The following ICA1 variants were observed in gnomAD, a reference collection of about 807,000 sequenced individuals.
ICA1 encodes the protein islet cell autoantigen 1.
ICA1 carries 40 observed loss-of-function variants against 71.0 expected under a neutral mutation model. The ratio of observed to expected loss-of-function variants is 0.56; its 90% CI spans 0.44 to 0.73. The LOEUF is 0.73. Among genes scored for constraint, ICA1 ranks in the 30% least tolerant of loss-of-function variants. The probability of loss-of-function intolerance (pLI) is 0.00; values close to 1 mark genes in which losing one functional copy is unlikely to be tolerated. For synonymous variants in ICA1, 207 were observed against 209.5 expected, an observed-to-expected ratio of 0.99 and a Z score of 0.10; for missense variants, 578 against 576.5, an observed-to-expected ratio of 1.00 and a Z score of -0.03.
In ICA1 at chr7:8,218,473, A is replaced by G; in HGVS notation, c.411T>C (p.Phe137=). 1 of 1,614,150 alleles carries G rather than the reference A, an allele frequency of 6.2e-7. No individual in the cohort carries two copies. Among genetic ancestry groups the G allele is most frequent in the Non-Finnish European group, 8.5e-7 (1 of 1,179,992 alleles). Residue 137 remains phenylalanine, a synonymous_variant, in exon 6 of 14, where the codon TTT becomes TTC. Transcript: ENST00000402384. ...GCCGAAAAGTCTCCACTTCTTGGTG[A>G]AATCGACACAAAGGATTTCGTAAGG... is the stretch of plus-strand genomic sequence containing the variant. ...RLALRNPLCR[F]HQEVETFRHR...
intron 1 of ICA1, among the ~76,000 whole-genome samples, chr7:8,243,261 C>A (rs1334121531): frequency 3.3e-5 from 5 of 152,194 alleles, no homozygotes; most frequent in African/African-American, 1.2e-4. Flanking sequence ...GCTGGTTCAA[C>A]ATACACAAAT....
intron 9 of ICA1, among the ~76,000 whole-genome samples, chr7:8,143,097 G>A (rs935978691): frequency 6.6e-6 from 1 of 152,138 alleles, no homozygotes; most frequent in East Asian, 1.9e-4. Context: ...GAATAGAAAC[G>A]AGGCCATCCA....
intron 1 of ICA1, among the ~76,000 whole-genome samples, chr7:8,245,906 G>A (rs1171693788): frequency 6.6e-6 from 1 of 152,014 alleles, no homozygotes; most frequent in Admixed American, 6.5e-5. Context: ...CATTTGCAAG[G>A]GACATATAAC....
At chr7:8,145,657 A>C (rs1203927607) in intron 8 of ICA1, among the ~76,000 whole-genome samples, 5 of 151,108 alleles carry the variant, frequency 3.3e-5, no homozygotes, top group African/African-American at 1.2e-4. Context: ...AAAAGTAAAA[A>C]TTACTCATAA....
rs1790421339 is a variant in ICA1 at position 8,129,055 on chromosome 7, T to C, written c.1061-913A>G. On this transcript the variant is annotated intron_variant, in intron 12 of 13. Transcript: ENST00000402384. Reference sequence around the variant, plus strand: ...TTTAAAGAAGGCAGCCATCCTTACATTACGAACATTGGCAGAATACTGAAT... The same window carrying C: ...TTTAAAGAAGGCAGCCATCCTTACACTACGAACATTGGCAGAATACTGAAT... 3.9e-5 allele frequency among the ~76,000 whole-genome samples: 6 copies of C among 152,328 alleles called. No individual in the cohort carries two copies. The South Asian group carries it at 1.2e-3, about 32-fold the overall frequency.
intron 6 of ICA1, among the ~76,000 whole-genome samples, chr7:8,187,512 C>G (rs1022346682): frequency 6.6e-6 from 1 of 152,216 alleles, no homozygotes; most frequent in Non-Finnish European, 1.5e-5. Context: ...TTACTGTACA[C>G]TACTTTAGAC....
At chr7:8,181,381 G>A (rs1177026779) in intron 6 of ICA1, among the ~76,000 whole-genome samples, 1 of 152,084 alleles carries the variant, frequency 6.6e-6, no homozygotes, top group Non-Finnish European at 1.5e-5. Flanking sequence ...AATTAGTTTA[G>A]CTTTATAATC....
chr7:8,114,389 A>G (rs761410044), intron 13 of ICA1, among the ~76,000 whole-genome samples: 9 of 152,238 alleles, frequency 5.9e-5, no homozygotes, highest in Non-Finnish European at 1.0e-4. Context: ...TATTTCAGAA[A>G]TCAGACTGAA....
Position 8,235,957 on chromosome 7 carries a change from G to A in ICA1, c.-31C>T, listed in dbSNP as rs1801722823. 6.2e-7 allele frequency: 1 copy of A among 1,609,984 alleles called. No homozygotes were observed. Among genetic ancestry groups the A allele is most frequent in the African/African-American group, 1.3e-5 (1 of 74,918 alleles). On this transcript the variant is annotated 5_prime_UTR_variant, in exon 2 of 14. Transcript: ENST00000402384. ...CTTCTTCTTCTATTGTTGATGATTT[G>A]GGGAGAAGGGGCAGGAAAAAAGCAT...
intron 1 of ICA1, among the ~76,000 whole-genome samples, chr7:8,247,036 A>G (rs921049399): frequency 6.6e-6 from 1 of 151,590 alleles, no homozygotes; most frequent in Non-Finnish European, 1.5e-5. Flanking sequence ...GTGAACCACC[A>G]TGCCTGGCCT....
At chr7:8,114,737 G>A (rs936830917) in intron 13 of ICA1, 5 of 152,214 alleles carry the variant, frequency 3.3e-5, no homozygotes, top group African/African-American at 7.2e-5. Context: ...TTTTCCAGAT[G>A]AGGAGAACAT....
Position 8,260,672 on chromosome 7 carries a change from G to A in ICA1, c.-80+1422C>T, listed in dbSNP as rs558688513. Among the ~76,000 whole-genome samples, 114 of 152,254 alleles carry A rather than the reference G, an allele frequency of 7.5e-4. 1 individual carries two copies. The highest frequency in any genetic ancestry group is 2.6e-3 in the African/African-American group (109 of 41,536). On this transcript the variant is annotated intron_variant, in intron 1 of 13. Transcript: ENST00000402384. ...CAAAGAGTGATATTTGAGCTATTCA[G>A]GATTATAAATTGATTTTGTCCCTGT...
At chr7:8,259,636 A>AG (rs1489572069) in intron 1 of ICA1, among the ~76,000 whole-genome samples, 10 of 152,292 alleles carry the variant, frequency 6.6e-5, no homozygotes, top group Middle Eastern at 3.4e-3. Flanking sequence ...GCCCCTAAAA[A>AG]GGTGGATATT....
chr7:8,148,939 C>T (rs1424342966), intron 8 of ICA1, among the ~76,000 whole-genome samples: 2 of 152,170 alleles, frequency 1.3e-5, no homozygotes, highest in African/African-American at 4.8e-5. Flanking sequence ...ACTGCTCTCC[C>T]CGACGTTGGA....
rs903291885 is a variant in ICA1 at position 8,226,326 on chromosome 7, A to G, written c.256+2275T>C. ...CTTCCTAAATTTCCTTTGCACAATG[A>G]GCAGGCTTGCTCTCTAGATATAGAT... On this transcript the variant is annotated intron_variant, in intron 4 of 13. Transcript: ENST00000402384. The surrounding 1 kb of genome is among the most constrained non-coding windows in gnomAD (Gnocchi z 4.4). Among the ~76,000 whole-genome samples the G allele has an allele frequency of 6.6e-6, 1 of 152,242 alleles. No individual in the cohort carries two copies. The highest frequency in any genetic ancestry group is 6.5e-5 in the Admixed American group (1 of 15,280).
At position 8,204,367 on chromosome 7, in the gene ICA1, G is replaced by C. The variant is rs571934662; in HGVS notation, c.579+13938C>G. 3.3e-5 allele frequency among the ~76,000 whole-genome samples: 5 copies of C among 152,342 alleles called. No homozygotes were observed. The South Asian group carries it at 8.3e-4, about 25-fold the overall frequency. Reference sequence around the variant, plus strand: ...TATGGCTATGGGCAAGTCAGTCATGGCTGCCCTGTGGTCTTATCTGTGAAA... The same window carrying C: ...TATGGCTATGGGCAAGTCAGTCATGCCTGCCCTGTGGTCTTATCTGTGAAA... On this transcript the variant is annotated intron_variant, in intron 6 of 13. Coordinates refer to ENST00000402384, the MANE Select transcript of ICA1 (RefSeq NM_001136020.3).
chr7:8,248,368 C>T (rs1268065139), intron 1 of ICA1, among the ~76,000 whole-genome samples: 1 of 152,108 alleles, frequency 6.6e-6, no homozygotes, highest in African/African-American at 2.4e-5. Context: ...TAAAAATTGT[C>T]ATTACCTTAG....
intron 13 of ICA1, among the ~76,000 whole-genome samples, chr7:8,120,599 G>C (rs1232455531): frequency 1.3e-5 from 2 of 152,206 alleles, no homozygotes; most frequent in Non-Finnish European, 2.9e-5. Context: ...TCTCAGAGTA[G>C]TTCTGTCAGG....
At chr7:8,209,294 C>G (rs1361324140) in intron 6 of ICA1, among the ~76,000 whole-genome samples, 1 of 152,016 alleles carries the variant, frequency 6.6e-6, no homozygotes, top group Non-Finnish European at 1.5e-5. Context: ...TGTTTGAAGC[C>G]AACATATTAG....
Sources: allele counts gnomAD v4.1 joint callset (sites outside exome capture counted in the v4.1 genomes callset), GRCh38; gene constraint gnomAD v4.1.1; non-coding constraint Gnocchi (gnomAD v3.1); transcripts MANE v1.5; gene names NCBI Gene and HGNC (gene_info 2026-07-23, HGNC 2026-07-21).